The following ADRA1B variants were observed in gnomAD, a reference collection of about 807,000 sequenced individuals.
ADRA1B encodes the protein alpha-1B adrenergic receptor.
A neutral mutation model predicts 17.9 loss-of-function variants in ADRA1B; 17 were observed. The ratio of observed to expected loss-of-function variants is 0.95; its 90% CI spans 0.65 to 1.42. The LOEUF is 1.42. ADRA1B is among the 40% of genes most tolerant of loss of function. The probability of loss-of-function intolerance (pLI) is 0.00; values close to 1 mark genes in which losing one functional copy is unlikely to be tolerated. For missense variants in ADRA1B, 681 were observed against 722.1 expected, an observed-to-expected ratio of 0.94 and a Z score of 0.65; for synonymous variants, 366 against 327.6, an observed-to-expected ratio of 1.12 and a Z score of -1.27.
At chr5:159,881,846 G>A (rs1333494322) in intron 1 of ADRA1B, among the ~76,000 whole-genome samples, 1 of 152,154 alleles carries the variant, frequency 6.6e-6, no homozygotes, top group African/African-American at 2.4e-5. Flanking sequence ...GGGACTGGAG[G>A]CTTTCAGAAC....
the ADRA1B span, among the ~76,000 whole-genome samples, chr5:159,986,387 C>T: frequency 6.6e-6 from 1 of 152,234 alleles, no homozygotes; most frequent in South Asian, 2.1e-4. Context: ...GCCAGTATAT[C>T]CAACCTAGAC....
downstream of ADRA1B, among the ~76,000 whole-genome samples, chr5:159,975,570 T>C (rs1020439540): frequency 6.6e-6 from 1 of 152,216 alleles, no homozygotes; most frequent in Non-Finnish European, 1.5e-5. Flanking sequence ...CCTGAGCTGC[T>C]CAGTTCTGAT....
intron 1 of ADRA1B, among the ~76,000 whole-genome samples, chr5:159,929,466 T>TA (rs1316388720): frequency 1.0e-3 from 154 of 150,002 alleles, no homozygotes; most frequent in African/African-American, 3.4e-3. Context: ...TTTTTTTTTT[T>TA]AAAAAGAGGG....
intron 1 of ADRA1B, among the ~76,000 whole-genome samples, chr5:159,936,966 C>A (rs1754972095): frequency 6.6e-6 from 1 of 152,180 alleles, no homozygotes; most frequent in South Asian, 2.1e-4. Flanking sequence ...GTCCTCAGCG[C>A]AGCAGCATTG....
chr5:159,983,554 A>C, the ADRA1B span, among the ~76,000 whole-genome samples: 69 of 152,298 alleles, frequency 4.5e-4, no homozygotes, highest in African/African-American at 1.5e-3. Context: ...AGTGATGAAC[A>C]ACGATCTTCA....
chr5:159,874,940 T>C (rs2113077133), intron 1 of ADRA1B, among the ~76,000 whole-genome samples: 1 of 152,274 alleles, frequency 6.6e-6, no homozygotes. Context: ...GAACTGAACA[T>C]TTATTGGGCT....
At chr5:159,951,527 A>T (rs199697415) in intron 1 of ADRA1B, 1 of 638,992 alleles carries the variant, frequency 1.6e-6, no homozygotes, top group East Asian at 2.8e-5. Context: ...CTGGCAATGC[A>T]CGAGAAGATG....
intron 1 of ADRA1B, among the ~76,000 whole-genome samples, chr5:159,953,751 C>T (rs1353916388): frequency 6.6e-6 from 1 of 152,162 alleles, no homozygotes; most frequent in African/African-American, 2.4e-5. Flanking sequence ...AATCTCCTTG[C>T]TCAGATGCAG....
intron 1 of ADRA1B, 25 bp from the exon 2 acceptor site, chr5:159,971,854 G>GGGGGGGGGGGC: frequency 7.6e-7 from 1 of 1,311,136 alleles, no homozygotes; most frequent in Non-Finnish European, 9.8e-7. Context: ...CTTTCTGCCC[G>GGGGGGGGGGGC]TGCCCACCCC....
At chr5:159,914,030 T>G (rs1754254184), upstream of ADRA1B, among the ~76,000 whole-genome samples, 1 of 152,136 alleles carries the variant, frequency 6.6e-6, no homozygotes, top group Non-Finnish European at 1.5e-5. Flanking sequence ...TTGGGAATGG[T>G]GGGAACTGAG....
At chr5:159,969,668 C>T (rs529998482) in intron 1 of ADRA1B, among the ~76,000 whole-genome samples, 63 of 152,262 alleles carry the variant, frequency 4.1e-4, no homozygotes, top group African/African-American at 1.5e-3. Context: ...TTGGGAAGCT[C>T]AGTCTGAGAA....
intron 1 of ADRA1B, among the ~76,000 whole-genome samples, chr5:159,877,218 G>A (rs76177530): frequency 0.039 from 6,003 of 152,136 alleles, 157 homozygotes; most frequent in Non-Finnish European, 0.061. Context: ...TTCAGCTCCC[G>A]GTCCCCTGTG....
At chr5:159,951,589 A>T (rs1034063028) in intron 1 of ADRA1B, 3 of 466,014 alleles carry the variant, frequency 6.4e-6, no homozygotes, top group Non-Finnish European at 8.0e-6. Context: ...AGAATTTAGC[A>T]CGGTCTGGAT....
intron 1 of ADRA1B, among the ~76,000 whole-genome samples, chr5:159,871,540 C>T (rs970922903): frequency 6.6e-6 from 1 of 152,138 alleles, no homozygotes; most frequent in Admixed American, 6.5e-5. Context: ...CAGCTCCTCC[C>T]CTGTGTCCTT....
At chr5:159,971,185 T>C (rs1755858465) in intron 1 of ADRA1B, among the ~76,000 whole-genome samples, 1 of 152,238 alleles carries the variant, frequency 6.6e-6, no homozygotes, top group African/African-American at 2.4e-5. Context: ...ATTTTGTAAA[T>C]TTCCTGCTAC....
chr5:159,902,369 A>G (rs568066869), intron 1 of ADRA1B, among the ~76,000 whole-genome samples: 61 of 152,338 alleles, frequency 4.0e-4, no homozygotes, highest in Admixed American at 7.8e-4. Flanking sequence ...AGTTTCATTC[A>G]TGTAAGATGA....
At chr5:159,910,598 T>A (rs1754218006) in intron 1 of ADRA1B, among the ~76,000 whole-genome samples, 1 of 152,266 alleles carries the variant, frequency 6.6e-6, no homozygotes, top group Non-Finnish European at 1.5e-5. Flanking sequence ...AGACGGTCTC[T>A]GTTGCAGCTA....
chr5:159,942,018 G>T (rs1755144564), intron 1 of ADRA1B, among the ~76,000 whole-genome samples: 1 of 151,024 alleles, frequency 6.6e-6, no homozygotes. Flanking sequence ...CAACTCCCAG[G>T]TTGACATCAT....
At chr5:159,902,929 T>C (rs1168105769) in intron 1 of ADRA1B, among the ~76,000 whole-genome samples, 5 of 152,210 alleles carry the variant, frequency 3.3e-5, no homozygotes, top group Non-Finnish European at 5.9e-5. Context: ...TGATGAGTCA[T>C]ACAGGAATCA....
Sources: gnomAD v4.1 joint callset for allele counts (sites outside exome capture counted in the v4.1 genomes callset) on GRCh38, gnomAD v4.1.1 for gene constraint, MANE v1.5 for transcripts, NCBI Gene and HGNC (gene_info 2026-07-23, HGNC 2026-07-21) for gene names.